DENND1B: variants seen among roughly 807,000 people sequenced by gnomAD.
DENND1B encodes the protein DENN domain-containing protein 1B.
Under a neutral mutation model 90.1 loss-of-function variants are expected in DENND1B, and 59 were observed. That is an observed-to-expected ratio of 0.65 (90% confidence interval 0.53 to 0.81). The LOEUF (loss-of-function observed/expected upper bound fraction) is 0.81, where lower values mean the gene tolerates loss of function less well. Ranked by LOEUF, DENND1B falls within the 40% of genes least tolerant of loss-of-function variation. The probability of loss-of-function intolerance (pLI) is 0.00; values close to 1 mark genes in which losing one functional copy is unlikely to be tolerated. For missense variants in DENND1B, 862 were observed against 912.6 expected, an observed-to-expected ratio of 0.94 and a Z score of 0.71; for synonymous variants, 337 against 324.6, an observed-to-expected ratio of 1.04 and a Z score of -0.41.
intron 3 of DENND1B, among the ~76,000 whole-genome samples, chr1:197,686,273 C>A (rs1260889337): frequency 6.6e-6 from 1 of 152,018 alleles, no homozygotes; most frequent in Non-Finnish European, 1.5e-5. Flanking sequence ...GGAAATATAT[C>A]ATAAATAAGG....
At position 197,546,900 on chromosome 1, in the gene DENND1B, A is replaced by G. The variant is rs547574142; in HGVS notation, c.1241-127T>C. ...AATTTTATATGCAATGTTGAAAAGT[A>G]GTTCTAATAAAATCCAGCGATCAAC... On this transcript the variant is annotated intron_variant, in intron 16 of 22. Transcript: ENST00000620048. The G allele has an allele frequency of 1.4e-5, 10 of 704,214 alleles. No individual in the cohort carries two copies. In the South Asian group the frequency reaches 2.0e-4, roughly 14 times the overall value. 43.6% of individuals were successfully genotyped at this position (704,214 alleles called of 1,614,324 possible).
Position 197,751,900 on chromosome 1 carries a change from G to A in DENND1B, c.82+20968C>T, listed in dbSNP as rs188698010. Among the ~76,000 whole-genome samples, 396 of 146,628 alleles carry A rather than the reference G, an allele frequency of 2.7e-3. 1 individual carries two copies. Among genetic ancestry groups the A allele is most frequent in the Non-Finnish European group, 4.8e-3 (316 of 66,030 alleles). On this transcript the variant is annotated intron_variant, in intron 2 of 22. Coordinates refer to ENST00000620048, the MANE Select transcript of DENND1B (RefSeq NM_001195215.2). ...GGAGGAGGAGGAGGGAGGAGGAGGA[G>A]GAGGAGGGGAGAAGGAAAAGAAGGA...
intron 17 of DENND1B, 86 bp downstream of exon 17, chr1:197,546,647 A>T (rs4316386): frequency 0.8 from 843,643 of 1,049,470 alleles, 340,489 homozygotes; most frequent in South Asian, 0.86. Context: ...TCAAATAAAC[A>T]GCATAAGTAT....
At chr1:197,575,802 A>G (rs370032399) in intron 15 of DENND1B, among the ~76,000 whole-genome samples, 1 of 152,308 alleles carries the variant, frequency 6.6e-6, no homozygotes, top group South Asian at 2.1e-4. Flanking sequence ...TGAAGCTGGA[A>G]ACCATCACTC....
At chr1:197,546,577 C>A (rs1438352925) in intron 17 of DENND1B, among the ~76,000 whole-genome samples, 156 bp downstream of exon 17, 2 of 152,054 alleles carry the variant, frequency 1.3e-5, no homozygotes, top group African/African-American at 4.8e-5. Context: ...TATCAACAAA[C>A]TATAAACGTA....
chr1:197,605,486 T>G (rs1248662479), intron 13 of DENND1B: 10 of 151,030 alleles, frequency 6.6e-5, no homozygotes, highest in Non-Finnish European at 1.5e-5. Flanking sequence ...TTTCTCTTTT[T>G]TTTCTTCTTT....
At chr1:197,580,083 C>CT (rs1473733442) in intron 15 of DENND1B, among the ~76,000 whole-genome samples, 6 of 100,176 alleles carry the variant, frequency 6.0e-5, no homozygotes, top group South Asian at 3.6e-4. Flanking sequence ...TCTTTTCTTT[C>CT]TTTCTTTTTT....
chr1:197,762,663 A>C (rs967301328), intron 2 of DENND1B, among the ~76,000 whole-genome samples: 1 of 151,984 alleles, frequency 6.6e-6, no homozygotes, highest in Non-Finnish European at 1.5e-5. Flanking sequence ...TTCATTCTAT[A>C]TATCTGCTAT....
chr1:197,715,792 C>A (rs1660588058), intron 2 of DENND1B, among the ~76,000 whole-genome samples: 1 of 151,774 alleles, frequency 6.6e-6, no homozygotes, highest in South Asian at 2.1e-4. Flanking sequence ...TTCTACTTAG[C>A]ACACTAAAAT....
rs79214532 is a variant in DENND1B at position 197,690,502 on chromosome 1, T to C, written c.127-16333A>G. 640 of 171,640 alleles carry C rather than the reference T, an allele frequency of 3.7e-3. 5 individuals are homozygous for C. Among genetic ancestry groups the C allele is most frequent in the African/African-American group, 0.015 (612 of 41,684 alleles). The allele number at this position is 171,640 out of a possible 1,614,324, so 10.6% of individuals were successfully genotyped here. A position where few individuals can be genotyped will look rare whatever the true frequency, so the allele number is the denominator to read the frequency against. ...AGTGTTGAGAGCTTCTCTGACCATC[T>C]CCCTCTTGGTCATTTTACTGTTCAT... On this transcript the variant is annotated intron_variant, in intron 3 of 22. Coordinates refer to ENST00000620048, the MANE Select transcript of DENND1B (RefSeq NM_001195215.2).
chr1:197,713,793 T>A (rs1274837579), intron 3 of DENND1B, among the ~76,000 whole-genome samples: 10 of 20,230 alleles, frequency 4.9e-4, no homozygotes, highest in African/African-American at 1.3e-3. Context: ...TATTATAATA[T>A]TATTATATTA....
At chr1:197,561,225 C>T (rs1672136514) in intron 15 of DENND1B, among the ~76,000 whole-genome samples, 1 of 151,912 alleles carries the variant, frequency 6.6e-6, no homozygotes, top group African/African-American at 2.4e-5. Context: ...GCTTCAATCA[C>T]AATTTCTGTC....
At chr1:197,679,816 T>G (rs1335942247) in intron 3 of DENND1B, among the ~76,000 whole-genome samples, 1 of 149,660 alleles carries the variant, frequency 6.7e-6, no homozygotes, top group East Asian at 1.9e-4. Context: ...TTGTTTTTTT[T>G]TTTTTTTTTT....
At chr1:197,633,932 A>T (rs1274955418) in intron 10 of DENND1B, among the ~76,000 whole-genome samples, 1 of 152,180 alleles carries the variant, frequency 6.6e-6, no homozygotes. Context: ...TCTTGCAAAC[A>T]GCTTCCCCAG....
At chr1:197,537,612 G>A (rs1056172192) in intron 20 of DENND1B, among the ~76,000 whole-genome samples, 1 of 151,814 alleles carries the variant, frequency 6.6e-6, no homozygotes, top group Non-Finnish European at 1.5e-5. Flanking sequence ...ATTTGCTTGA[G>A]GGCAGTAATC....
intron 13 of DENND1B, among the ~76,000 whole-genome samples, chr1:197,603,611 C>A (rs1260222944): frequency 6.6e-6 from 1 of 151,120 alleles, no homozygotes; most frequent in Non-Finnish European, 1.5e-5. Flanking sequence ...GTGCTTTCAT[C>A]TATAGGAATT....
intron 3 of DENND1B, among the ~76,000 whole-genome samples, chr1:197,675,643 C>T (rs9633354): frequency 0.49 from 74,887 of 151,834 alleles, 18,768 homozygotes; most frequent in East Asian, 0.66. Flanking sequence ...CAGTTCATTG[C>T]AAATGAGACC....
At chr1:197,703,171 A>G (rs1483147598) in intron 3 of DENND1B, among the ~76,000 whole-genome samples, 1 of 151,974 alleles carries the variant, frequency 6.6e-6, no homozygotes, top group African/African-American at 2.4e-5. Flanking sequence ...TGTTTTTAGT[A>G]GAGACAGGGT....
intron 20 of DENND1B, among the ~76,000 whole-genome samples, chr1:197,537,676 A>G (rs546328242): frequency 6.6e-6 from 1 of 152,164 alleles, no homozygotes; most frequent in East Asian, 1.9e-4. Context: ...TTAAATATAT[A>G]TAATAAAAAA....
Sources: allele counts gnomAD v4.1 joint callset (sites outside exome capture counted in the v4.1 genomes callset), GRCh38; gene constraint gnomAD v4.1.1; transcripts MANE v1.5; gene names NCBI Gene and HGNC (gene_info 2026-07-23, HGNC 2026-07-21).